The following FRMD7 variants were observed in gnomAD, a reference collection of about 807,000 sequenced individuals.
The protein encoded by FRMD7 is FERM domain containing 7.
Under a neutral mutation model 44.1 loss-of-function variants are expected in FRMD7, and 14 were observed. The observed-to-expected ratio is 0.32, with a 90% CI of 0.21 to 0.50. The LOEUF is 0.50. Among genes scored for constraint, FRMD7 ranks in the 20% least tolerant of loss-of-function variants. The probability of loss-of-function intolerance (pLI) is 0.99; values close to 1 mark genes in which losing one functional copy is unlikely to be tolerated. For missense variants in FRMD7, 501 were observed against 522.3 expected (o/e 0.96, Z 0.40); for synonymous variants, 212 against 187.4 (o/e 1.13, Z -1.07).
At chrX:132,097,472 C>A in intron 3 of FRMD7, 128 bp from the exon 4 acceptor site, 1 of 535,613 alleles carries the variant, frequency 1.9e-6, no homozygotes, top group Non-Finnish European at 3.4e-6. Context: ...CCCCATCACT[C>A]CCTCCTACAG....
chrX:132,080,410 C>A, intron 9 of FRMD7, 144 bp from the exon 10 acceptor site: 1 of 496,267 alleles, frequency 2.0e-6, no homozygotes, highest in Non-Finnish European at 3.6e-6. Flanking sequence ...ATGATAATAC[C>A]CACTTATTCA....
intron 6 of FRMD7, 71 bp from the exon 7 acceptor site, chrX:132,085,799 G>A (rs1431641555): frequency 1.8e-6 from 2 of 1,086,165 alleles, no homozygotes; most frequent in Non-Finnish European, 2.6e-6. Context: ...AGAGCTCCAT[G>A]AGGATCTCAG....
chrX:132,084,261 A>T (rs991583356), intron 8 of FRMD7, among the ~76,000 whole-genome samples: 2 of 111,610 alleles, frequency 1.8e-5, no homozygotes, highest in African/African-American at 6.5e-5. Flanking sequence ...GAGCTGCCCC[A>T]TTTTCCTATT....
chrX:132,113,546 G>C (rs1198889771), intron 1 of FRMD7, among the ~76,000 whole-genome samples: 1 of 111,609 alleles, frequency 9.0e-6, no homozygotes, highest in Non-Finnish European at 1.9e-5. Flanking sequence ...TATTATCTAG[G>C]TGGATGAATG....
At chrX:132,084,103 T>C (rs1018798652) in intron 8 of FRMD7, among the ~76,000 whole-genome samples, 2 of 111,548 alleles carry the variant, frequency 1.8e-5, no homozygotes, top group Admixed American at 9.5e-5. Flanking sequence ...TGTTCAATAA[T>C]TTTTGCTTAA....
In FRMD7 at chrX:132,089,762, G is replaced by C. The variant is rs988845305; in HGVS notation, c.383-3728C>G. 6.3e-4 allele frequency among the ~76,000 whole-genome samples: 71 copies of C among 112,031 alleles called. 1 individual carries two copies. Among genetic ancestry groups the C allele is most frequent in the African/African-American group, 2.0e-3 (63 of 30,907 alleles). On this transcript the variant is annotated intron_variant, in intron 5 of 11. Transcript: ENST00000298542. The stretch of plus-strand genomic sequence containing the variant: ...CAACATCGTTAGTCATTAGGAAAAT[G>C]CTAATTAAAATTGCAGTGAGATACT...
At chrX:132,085,859 G>C in intron 6 of FRMD7, 61 bp downstream of exon 6, 1 of 1,017,640 alleles carries the variant, frequency 9.8e-7, no homozygotes. Flanking sequence ...GCTCTTAAGA[G>C]TCTGTCCCCA....
chrX:132,096,977 A>C (rs1928356420), intron 4 of FRMD7, among the ~76,000 whole-genome samples: 1 of 110,983 alleles, frequency 9.0e-6, no homozygotes, highest in Non-Finnish European at 1.9e-5. Flanking sequence ...ACACAGATTC[A>C]TGAAGGAGAG....
intron 1 of FRMD7, among the ~76,000 whole-genome samples, chrX:132,111,711 G>A (rs748796354): frequency 8.9e-6 from 1 of 112,120 alleles, no homozygotes; most frequent in East Asian, 2.8e-4. Flanking sequence ...CCAGTGAGAG[G>A]ATTGGACTTG....
chrX:132,113,420 G>T (rs1928825435), intron 1 of FRMD7, among the ~76,000 whole-genome samples: 1 of 111,458 alleles, frequency 9.0e-6, no homozygotes, highest in Non-Finnish European at 1.9e-5. Flanking sequence ...TAAGAGACTT[G>T]CCTAGGATCT....
Position 132,080,272 on chromosome X carries a change from A to G in FRMD7, c.906-6T>C, listed in dbSNP as rs765102731. 5 of 1,139,337 alleles carry G rather than the reference A, an allele frequency of 4.4e-6. No individual in the cohort carries two copies. The Admixed American group carries it at 6.6e-5, about 15-fold the overall frequency. The allele number at this position is 1,139,337 out of a possible 1,213,427, so 93.9% of individuals were successfully genotyped here. A position where few individuals can be genotyped will look rare whatever the true frequency, so the allele number is the denominator to read the frequency against. ...GTTGCCTTTGGGTTCGTCCACTATC[A>G]TAAGGAACAATAAAAATCCTTAGTT... On this transcript the variant is annotated splice_region_variant and splice_polypyrimidine_tract_variant and intron_variant, in intron 9 of 11. Transcript: ENST00000298542.
At chrX:132,107,534 G>A (rs1928675226) in intron 1 of FRMD7, among the ~76,000 whole-genome samples, 1 of 108,661 alleles carries the variant, frequency 9.2e-6, no homozygotes, top group Non-Finnish European at 1.9e-5. Context: ...GTGCCAGTAT[G>A]GTTGGACTGT....
intron 5 of FRMD7, among the ~76,000 whole-genome samples, chrX:132,091,587 G>A (rs1433126453): frequency 9.2e-6 from 1 of 109,104 alleles, no homozygotes; most frequent in Admixed American, 9.9e-5. Context: ...ACTTTGGGAA[G>A]CCAAAGCGGG....
chrX:132,088,655 A>G (rs1182103954), intron 5 of FRMD7, among the ~76,000 whole-genome samples: 1 of 111,923 alleles, frequency 8.9e-6, no homozygotes. Flanking sequence ...GTAGCATGAT[A>G]GAAGATCAAT....
chrX:132,116,096 C>T (rs1416789210), intron 1 of FRMD7, among the ~76,000 whole-genome samples: 2 of 111,995 alleles, frequency 1.8e-5, no homozygotes, highest in Admixed American at 1.9e-4. Context: ...ACTTAACTTC[C>T]TAGAATGTTT....
intron 5 of FRMD7, among the ~76,000 whole-genome samples, chrX:132,089,378 C>A (rs1200233526): frequency 8.9e-6 from 1 of 112,107 alleles, no homozygotes; most frequent in African/African-American, 3.2e-5. Flanking sequence ...GATCATAGAT[C>A]TAACTATAAG....
chrX:132,089,770 A>G (rs962351307), intron 5 of FRMD7, among the ~76,000 whole-genome samples: 2 of 112,132 alleles, frequency 1.8e-5, no homozygotes, highest in African/African-American at 6.5e-5. Context: ...ATGCTAATTA[A>G]AATTGCAGTG....
At chrX:132,120,991 G>GTT (rs1228435313) in intron 1 of FRMD7, among the ~76,000 whole-genome samples, 1 of 111,799 alleles carries the variant, frequency 8.9e-6, no homozygotes, top group Non-Finnish European at 1.9e-5. Flanking sequence ...TCTGACCTGG[G>GTT]TTTAGAAGCT....
At chrX:132,079,970 T>C (rs1189827400) in intron 11 of FRMD7, 36 bp downstream of exon 11, 4 of 928,898 alleles carry the variant, frequency 4.3e-6, no homozygotes, top group Non-Finnish European at 6.3e-6. Context: ...ACAAATTACA[T>C]TTATCTAAAG....
Sources: allele counts gnomAD v4.1 joint callset (sites outside exome capture counted in the v4.1 genomes callset), GRCh38; gene constraint gnomAD v4.1.1; transcripts MANE v1.5; gene names NCBI Gene and HGNC (gene_info 2026-07-23, HGNC 2026-07-21).